Variants in HHIP observed in about 807,000 individuals in gnomAD.
HHIP encodes hedgehog interacting protein.
In HHIP, 12 loss-of-function variants were observed where a neutral mutation model predicts 74.0. The observed-to-expected ratio is 0.16, with a 90% CI of 0.10 to 0.26. HHIP has a LOEUF of 0.26. HHIP is among the 10% of genes least tolerant of loss of function. The probability of loss-of-function intolerance (pLI) is 1.00; values close to 1 mark genes in which losing one functional copy is unlikely to be tolerated. For missense variants in HHIP, 788 were observed against 845.0 expected, an observed-to-expected ratio of 0.93 and a Z score of 0.84; for synonymous variants, 309 against 311.6, an observed-to-expected ratio of 0.99 and a Z score of 0.09.
intron 4 of HHIP, among the ~76,000 whole-genome samples, chr4:144,666,091 A>G (rs910817129): frequency 6.6e-6 from 1 of 152,192 alleles, no homozygotes; most frequent in Non-Finnish European, 1.5e-5. Flanking sequence ...TAGAAAAAAT[A>G]AGAAAATCTA....
intron 4 of HHIP, among the ~76,000 whole-genome samples, chr4:144,682,549 AAGAG>A (rs58610066): frequency 2.6e-5 from 4 of 152,146 alleles, no homozygotes; most frequent in South Asian, 2.1e-4. Context: ...AGCTGTTAGA[AAGAG>A]AGAGAGAGAT....
Position 144,715,362 on chromosome 4 carries a change from T to C in HHIP, c.1610T>C (p.Leu537Pro), listed in dbSNP as rs759562260. The C allele has an allele frequency of 1.3e-5, 21 of 1,613,252 alleles. No individual in the cohort carries two copies. The South Asian group carries it at 2.3e-4, about 18-fold the overall frequency. ...TKQWQEKPLC[L>P]GTSGSCRGYF... ...CAGTGGCAAGAAAAACCACTCTGTCTCGGCACTAGTGGGTCCTGTAGAGGC... is the reference window on the plus strand; with the variant it reads ...CAGTGGCAAGAAAAACCACTCTGTCCCGGCACTAGTGGGTCCTGTAGAGGC... The change falls in exon 10 of 13, where the codon CTC (leucine) becomes CCC (proline). Residue 537 changes from leucine (L) to proline (P), a missense_variant. Physicochemically the swap from Leu to Pro is moderately conservative, Grantham distance 98 (BLOSUM62 -3). This residue lies in a region of HHIP where 343 missense variants were observed against 347.9 expected (regional missense o/e 0.99). Transcript: ENST00000296575.
At chr4:144,674,607 A>C (rs559135802) in intron 4 of HHIP, among the ~76,000 whole-genome samples, 6 of 152,216 alleles carry the variant, frequency 3.9e-5, no homozygotes, top group Admixed American at 2.6e-4. Flanking sequence ...TTAAAAAAAA[A>C]CGAATAAATC....
At chr4:144,658,570 T>C (rs1728613325) in intron 2 of HHIP, among the ~76,000 whole-genome samples, 1 of 152,022 alleles carries the variant, frequency 6.6e-6, no homozygotes, top group African/African-American at 2.4e-5. Context: ...GGTTTCGCCA[T>C]GTTGACCAGG....
chr4:144,715,853 G>A (rs905771507), intron 10 of HHIP, among the ~76,000 whole-genome samples: 3 of 152,086 alleles, frequency 2.0e-5, no homozygotes, highest in South Asian at 2.1e-4. Flanking sequence ...TGCCTTACCC[G>A]CTATTTCTTT....
intron 4 of HHIP, among the ~76,000 whole-genome samples, chr4:144,691,432 G>A (rs1216615271): frequency 6.6e-6 from 1 of 152,150 alleles, no homozygotes; most frequent in Non-Finnish European, 1.5e-5. Flanking sequence ...GAAGAGCAAG[G>A]CAATTGGTTG....
rs891302822 is a variant in HHIP at position 144,650,224 on chromosome 4, T to C, written c.280-2381T>C. 3.9e-5 allele frequency among the ~76,000 whole-genome samples: 6 copies of C among 152,282 alleles called. No homozygotes were observed. In the East Asian group the frequency reaches 1.2e-3, roughly 29 times the overall value. Reference sequence around the variant, plus strand: ...CACTTTACTGTGTATCCCCTATTTATCTTACCCTTCTTCTATGGATTTTAT... The same window carrying C: ...CACTTTACTGTGTATCCCCTATTTACCTTACCCTTCTTCTATGGATTTTAT... On this transcript the variant is annotated intron_variant, in intron 1 of 12. Transcript: ENST00000296575.
At chr4:144,696,121 T>C (rs889183775) in intron 4 of HHIP, among the ~76,000 whole-genome samples, 1 of 151,932 alleles carries the variant, frequency 6.6e-6, no homozygotes, top group Non-Finnish European at 1.5e-5. Context: ...TCAATTTGAA[T>C]AGCACTTTAG....
intron 4 of HHIP, among the ~76,000 whole-genome samples, chr4:144,681,234 T>C (rs974876548): frequency 2.0e-5 from 3 of 152,182 alleles, no homozygotes; most frequent in Admixed American, 1.3e-4. Context: ...TAAGTCAATA[T>C]GATTTGTATA....
intron 4 of HHIP, among the ~76,000 whole-genome samples, chr4:144,689,168 T>C (rs1016316397): frequency 1.3e-5 from 2 of 152,274 alleles, no homozygotes; most frequent in Non-Finnish European, 2.9e-5. Context: ...TTTATTAATG[T>C]ATTTTATTTC....
At chr4:144,659,610 C>T in intron 3 of HHIP, 27 bp from the exon 4 acceptor site, 1 of 1,407,300 alleles carries the variant, frequency 7.1e-7, no homozygotes, top group Non-Finnish European at 9.4e-7. Context: ...TCAAGAAAAG[C>T]TTACCGGTTT....
At chr4:144,684,368 C>T (rs1411566116) in intron 4 of HHIP, among the ~76,000 whole-genome samples, 1 of 145,006 alleles carries the variant, frequency 6.9e-6, no homozygotes, top group African/African-American at 2.5e-5. Context: ...ACGCCATTCT[C>T]CTGCCTCAGC....
chr4:144,702,659 A>G (rs1730017870), intron 4 of HHIP, among the ~76,000 whole-genome samples: 1 of 151,626 alleles, frequency 6.6e-6, no homozygotes, highest in South Asian at 2.1e-4. Context: ...AGCTTGGATG[A>G]GGTTCAAGTC....
intron 11 of HHIP, among the ~76,000 whole-genome samples, chr4:144,719,866 G>C (rs1341534786): frequency 6.6e-6 from 1 of 152,128 alleles, no homozygotes; most frequent in East Asian, 1.9e-4. Flanking sequence ...TTTTTCAAAA[G>C]AATTAACTCT....
In HHIP at chr4:144,711,995, G is replaced by C. The variant is rs571209100; in HGVS notation, c.1347G>C (p.Thr449=). The part of the protein sequence containing the change: ...RHPTDININL[T]ILCSDSNGKN... Reference sequence around the variant, plus strand: ...CCACTGATATAAACATCAATTTAACGATACTGTGTTCAGACTCCAATGGAA... The same window carrying C: ...CCACTGATATAAACATCAATTTAACCATACTGTGTTCAGACTCCAATGGAA... The change falls in exon 8 of 13, where the codon ACG becomes ACC. Residue 449 remains threonine, a synonymous_variant. Transcript: ENST00000296575. The C allele has an allele frequency of 2.5e-6, 4 of 1,611,186 alleles. No individual in the cohort carries two copies. The African/African-American group carries it at 4.0e-5, about 16-fold the overall frequency.
rs1483780398 is a variant in HHIP, at chr4:144,742,940, TA to T, written c.*4984del. 8 of 123,380 alleles carry T rather than the reference TA, an allele frequency of 6.5e-5. No homozygotes were observed. Among genetic ancestry groups the T allele is most frequent in the South Asian group, 2.4e-4 (1 of 4,154 alleles). 7.6% of individuals were successfully genotyped at this position (123,380 alleles called of 1,614,324 possible). A position where few individuals can be genotyped will look rare whatever the true frequency, so the allele number is the denominator to read the frequency against. On this transcript the variant is annotated 3_prime_UTR_variant, in exon 13 of 13. Transcript: ENST00000296575. Reference sequence around the variant, plus strand: ...TATATATATATCTTTATATATATCTTATATATATATCTTATACATATAAGAT... The same window carrying T: ...TATATATATATCTTTATATATATCTTTATATATATCTTATACATATAAGAT...
chr4:144,658,576 C>T (rs183783307), intron 2 of HHIP, among the ~76,000 whole-genome samples: 4 of 151,976 alleles, frequency 2.6e-5, no homozygotes, highest in Admixed American at 2.6e-4. Context: ...GCCATGTTGA[C>T]CAGGTTGGTC....
At chr4:144,717,386 A>AT (rs1303739809) in intron 10 of HHIP, among the ~76,000 whole-genome samples, 2 of 152,094 alleles carry the variant, frequency 1.3e-5, no homozygotes, top group Non-Finnish European at 2.9e-5. Context: ...TTTCATTTTT[A>AT]TTTTTTCTGT....
Position 144,736,209 on chromosome 4 carries a change from C to T in HHIP, c.1909+1320C>T, listed in dbSNP as rs376422435. Among the ~76,000 whole-genome samples the T allele has an allele frequency of 1.1e-4, 16 of 145,756 alleles. No homozygotes were observed. The South Asian group carries it at 1.5e-3, about 14-fold the overall frequency. On this transcript the variant is annotated intron_variant, in intron 12 of 12. Coordinates refer to ENST00000296575, the MANE Select transcript of HHIP (RefSeq NM_022475.3). The stretch of plus-strand genomic sequence containing the variant: ...GGAGGGCAGTGAGGCAATCTCGGCT[C>T]ACCACAACCTCCACCTCCTGGGTTC...
Sources: gnomAD v4.1 joint callset for allele counts (sites outside exome capture counted in the v4.1 genomes callset) on GRCh38, gnomAD v4.1.1 for gene constraint, gnomAD v4.1.1 regional missense constraint, MANE v1.5 for transcripts, NCBI Gene and HGNC (gene_info 2026-07-23, HGNC 2026-07-21) for gene names.